Variants in CNTNAP3 observed in about 807,000 individuals in gnomAD.
CNTNAP3 encodes contactin associated protein family member 3, also known as contactin-associated protein-like 3.
Under a neutral mutation model 92.1 loss-of-function variants are expected in CNTNAP3, and 36 were observed. That is an observed-to-expected ratio of 0.39 (90% CI 0.30 to 0.52). The LOEUF (loss-of-function observed/expected upper bound fraction) is 0.52, where lower values mean the gene tolerates loss of function less well. CNTNAP3 is among the 20% of genes least tolerant of loss of function. The pLI is 0.76. For missense variants in CNTNAP3, 534 were observed against 1,069.6 expected, an observed-to-expected ratio of 0.50 and a Z score of 6.98; for synonymous variants, 232 against 422.3, an observed-to-expected ratio of 0.55 and a Z score of 5.53.
chr9:39,112,016 CTAAT>C (rs1323266420), intron 14 of CNTNAP3, among the ~76,000 whole-genome samples: 4 of 147,190 alleles, frequency 2.7e-5, no homozygotes, highest in South Asian at 2.1e-4. Flanking sequence ...TCAAAACTTC[CTAAT>C]TAATAGGGAC....
intron 13 of CNTNAP3, among the ~76,000 whole-genome samples, chr9:39,124,006 G>C (rs1239763949): frequency 6.6e-6 from 1 of 152,062 alleles, no homozygotes; most frequent in Non-Finnish European, 1.5e-5. Flanking sequence ...GAGCATTAGA[G>C]AAGAAAAAAT....
In CNTNAP3 at chr9:39,070,470, G is replaced by A. The variant is rs1375558519; in HGVS notation, c.*3420C>T. ...TGTGGGATCTAAAAATCAAAACAAC[G>A]GAATTCATGGATATAGAGTAGAAGG... On this transcript the variant is annotated 3_prime_UTR_variant, in exon 24 of 24. Transcript: ENST00000297668. Among the ~76,000 whole-genome samples, 6 of 142,952 alleles carry A rather than the reference G, an allele frequency of 4.2e-5. 1 individual carries two copies. The South Asian group carries it at 7.0e-4, about 17-fold the overall frequency. 93.8% of individuals were successfully genotyped at this position (142,952 alleles called of 152,430 possible). A position where few individuals can be genotyped will look rare whatever the true frequency, so the allele number is the denominator to read the frequency against.
At chr9:39,089,761 C>T (rs1826148608) in intron 18 of CNTNAP3, among the ~76,000 whole-genome samples, 1 of 152,104 alleles carries the variant, frequency 6.6e-6, no homozygotes, top group Admixed American at 6.5e-5. Context: ...CTATACCTGT[C>T]TGTGTGAAGA....
chr9:39,149,053 G>T (rs1821775788), intron 10 of CNTNAP3, among the ~76,000 whole-genome samples: 1 of 151,978 alleles, frequency 6.6e-6, no homozygotes, highest in Non-Finnish European at 1.5e-5. Flanking sequence ...ATTTCATTAT[G>T]TCCTTCTGCA....
intron 11 of CNTNAP3, among the ~76,000 whole-genome samples, chr9:39,141,166 T>C (rs1426889717): frequency 6.6e-6 from 1 of 152,188 alleles, no homozygotes; most frequent in Non-Finnish European, 1.5e-5. Flanking sequence ...GAAACATGGT[T>C]CTTTTCAAAC....
At chr9:39,099,203 C>A (rs1393791101) in intron 18 of CNTNAP3, among the ~76,000 whole-genome samples, 1 of 152,050 alleles carries the variant, frequency 6.6e-6, no homozygotes, top group Non-Finnish European at 1.5e-5. Flanking sequence ...ATCCGCCTGC[C>A]TTGGCCTCCC....
At chr9:39,082,730 G>A (rs1243234199) in intron 21 of CNTNAP3, among the ~76,000 whole-genome samples, 1 of 152,286 alleles carries the variant, frequency 6.6e-6, no homozygotes, top group African/African-American at 2.4e-5. Context: ...TACAAAATCG[G>A]TGGATTCCCC....
Position 39,086,707 on chromosome 9 carries a change from T to C in CNTNAP3, c.3354+9A>G, listed in dbSNP as rs1826070463. 1 of 1,608,498 alleles carries C rather than the reference T, an allele frequency of 6.2e-7. No homozygotes were observed. The highest frequency in any genetic ancestry group is 8.5e-7 in the Non-Finnish European group (1 of 1,178,794). On this transcript the variant is annotated intron_variant, in intron 20 of 23. Coordinates refer to ENST00000297668, the MANE Select transcript of CNTNAP3 (RefSeq NM_033655.5). The stretch of plus-strand genomic sequence containing the variant: ...TTAGTTAGTTTGACTTTTGCATTTG[T>C]GGGATTACCTCTACCATGACCACAG...
intron 13 of CNTNAP3, among the ~76,000 whole-genome samples, chr9:39,127,302 C>T (rs1358282242): frequency 1.3e-5 from 2 of 151,800 alleles, no homozygotes; most frequent in Non-Finnish European, 2.9e-5. Context: ...ATAGGGAAAA[C>T]GTAGCACTAA....
chr9:39,087,511 G>C (rs1430214349), intron 19 of CNTNAP3, among the ~76,000 whole-genome samples: 1 of 151,770 alleles, frequency 6.6e-6, no homozygotes, highest in African/African-American at 2.4e-5. Flanking sequence ...GTTTGAGGTG[G>C]AGTCTCGCTC....
rs1045443127 is a variant in CNTNAP3, at chr9:39,168,219, G to A, written c.1334-2143C>T. Among the ~76,000 whole-genome samples the A allele has an allele frequency of 5.5e-5, 8 of 146,654 alleles. 1 individual carries two copies. Among genetic ancestry groups the A allele is most frequent in the South Asian group, 2.2e-4 (1 of 4,648 alleles). On this transcript the variant is annotated intron_variant, in intron 8 of 23. Coordinates refer to ENST00000297668, the MANE Select transcript of CNTNAP3 (RefSeq NM_033655.5). The stretch of plus-strand genomic sequence containing the variant: ...TTTTTAGTAGAGATGGGGTTTCACC[G>A]TGTTAGCCAGGATGGTCTCAATCTC...
In CNTNAP3 at chr9:39,069,312, G is replaced by T. The variant is rs1450367873; in HGVS notation, c.*4578C>A. ...GACAATTATATGTTTTACCTCATTG[G>T]CTTGCTTAAGGAGTTAAAATGTGAT... On this transcript the variant is annotated 3_prime_UTR_variant, in exon 24 of 24. Coordinates refer to ENST00000297668, the MANE Select transcript of CNTNAP3 (RefSeq NM_033655.5). Among the ~76,000 whole-genome samples the T allele has an allele frequency of 6.6e-6, 1 of 152,190 alleles. No homozygotes were observed. The highest frequency in any genetic ancestry group is 2.4e-5 in the African/African-American group (1 of 41,444).
In CNTNAP3 at chr9:39,069,646, G is replaced by A. The variant is rs1246096801; in HGVS notation, c.*4244C>T. On this transcript the variant is annotated 3_prime_UTR_variant, in exon 24 of 24. Coordinates refer to ENST00000297668, the MANE Select transcript of CNTNAP3 (RefSeq NM_033655.5). ...AAGTAGTGCTTCAGTACATTTTCCC[G>A]ACGATATGATTAATCCATAATAAAT... Among the ~76,000 whole-genome samples the A allele has an allele frequency of 1.3e-5, 2 of 152,394 alleles. No individual in the cohort carries two copies. The highest frequency in any genetic ancestry group is 2.9e-5 in the Non-Finnish European group (2 of 68,034).
intron 17 of CNTNAP3, among the ~76,000 whole-genome samples, chr9:39,102,180 TG>T (rs1295275246): frequency 6.6e-6 from 1 of 152,266 alleles, no homozygotes; most frequent in Non-Finnish European, 1.5e-5. Flanking sequence ...CTCAGGAGGC[TG>T]AGGCAGGAGA....
chr9:39,076,757 A>C (rs1331086152), intron 23 of CNTNAP3, among the ~76,000 whole-genome samples: 559 of 148,612 alleles, frequency 3.8e-3, no homozygotes, highest in African/African-American at 0.014. Context: ...TCATGAGGTC[A>C]GGAGATCGAG....
At chr9:39,217,358 GTA>G (rs58203008) in intron 3 of CNTNAP3, among the ~76,000 whole-genome samples, 229 of 4,224 alleles carry the variant, frequency 0.054, 17 homozygotes, top group South Asian at 0.095. Context: ...ATTTACATGA[GTA>G]TATATATATA....
chr9:39,153,628 G>A (rs1437227524), intron 9 of CNTNAP3, among the ~76,000 whole-genome samples: 2 of 39,102 alleles, frequency 5.1e-5, no homozygotes, highest in Non-Finnish European at 1.0e-4. Flanking sequence ...GCACCATCTC[G>A]GTTCACTGCA....
intron 17 of CNTNAP3, among the ~76,000 whole-genome samples, chr9:39,101,051 G>C (rs1587706948): frequency 6.7e-6 from 1 of 148,474 alleles, no homozygotes; most frequent in African/African-American, 2.5e-5. Flanking sequence ...TACGCTAATT[G>C]TGTTTCTAGG....
chr9:39,133,218 G>A (rs1403614685), intron 12 of CNTNAP3, 83 bp from the exon 13 acceptor site: 30 of 1,448,414 alleles, frequency 2.1e-5, no homozygotes, highest in Non-Finnish European at 2.6e-5. Context: ...TCTTTTATGT[G>A]AATTAACGTT....
Sources: gnomAD v4.1 joint callset for allele counts (sites outside exome capture counted in the v4.1 genomes callset) on GRCh38, gnomAD v4.1.1 for gene constraint, MANE v1.5 for transcripts, NCBI Gene and HGNC (gene_info 2026-07-23, HGNC 2026-07-21) for gene names.